The following MAN1A1 variants were observed in gnomAD, a reference collection of about 807,000 sequenced individuals.
MAN1A1 encodes mannosidase alpha class 1A member 1, also known as mannosyl-oligosaccharide 1,2-alpha-mannosidase IA.
Under a neutral mutation model 70.8 loss-of-function variants are expected in MAN1A1, and 29 were observed. The observed-to-expected ratio is 0.41, with a 90% CI of 0.31 to 0.56. The LOEUF is 0.56. MAN1A1 is among the 20% of genes least tolerant of loss of function. The pLI, the probability that MAN1A1 is intolerant of heterozygous loss-of-function variation, is 0.29. For synonymous variants in MAN1A1, 349 were observed against 330.1 expected, an observed-to-expected ratio of 1.06 and a Z score of -0.62; for missense variants, 747 against 841.3, an observed-to-expected ratio of 0.89 and a Z score of 1.39.
At chr6:119,232,003 C>G (rs550212413) in intron 6 of MAN1A1, among the ~76,000 whole-genome samples, 2 of 152,186 alleles carry the variant, frequency 1.3e-5, no homozygotes, top group East Asian at 3.9e-4. Flanking sequence ...TTGTATATAT[C>G]AAACCCTAGG....
intron 2 of MAN1A1, among the ~76,000 whole-genome samples, chr6:119,348,078 T>C (rs918708341): frequency 6.6e-6 from 1 of 152,240 alleles, no homozygotes; most frequent in Non-Finnish European, 1.5e-5. Context: ...AGACTCACTT[T>C]AAAGCCACGT....
intron 6 of MAN1A1, among the ~76,000 whole-genome samples, chr6:119,219,342 T>C (rs1443340735): frequency 6.6e-6 from 1 of 152,184 alleles, no homozygotes; most frequent in Non-Finnish European, 1.5e-5. Context: ...AGATAATCAT[T>C]AAGCAGCATT....
intron 5 of MAN1A1, among the ~76,000 whole-genome samples, chr6:119,273,815 T>C (rs1195967670): frequency 1.3e-5 from 2 of 152,044 alleles, no homozygotes; most frequent in South Asian, 2.1e-4. Flanking sequence ...GAAAAAAAGG[T>C]TGGGGGAGAG....
At chr6:119,207,866 A>G (rs142488035) in intron 6 of MAN1A1, among the ~76,000 whole-genome samples, 13 of 152,300 alleles carry the variant, frequency 8.5e-5, no homozygotes, top group Admixed American at 2.0e-4. Context: ...ACCAAAGGTG[A>G]GGCTGGGCCA....
In MAN1A1 at chr6:119,234,885, G is replaced by A. The variant is rs552250437; in HGVS notation, c.992+13375C>T. ...TGGTGCCATTTTTCTAACAGCCTGT[G>A]CTCACGTTGTGTCTCTGTCAAGTTT... On this transcript the variant is annotated intron_variant, in intron 6 of 12. Coordinates refer to ENST00000368468, the MANE Select transcript of MAN1A1 (RefSeq NM_005907.4). Among the ~76,000 whole-genome samples the A allele has an allele frequency of 3.3e-5, 5 of 152,226 alleles. No homozygotes were observed. In the South Asian group the frequency reaches 1.0e-3, roughly 32 times the overall value.
rs60800789 is a variant in MAN1A1, at chr6:119,279,911, C to T, written c.897+10772G>A. Among the ~76,000 whole-genome samples, 190 of 152,328 alleles carry T rather than the reference C, an allele frequency of 1.2e-3. No homozygotes were observed. In the East Asian group the frequency reaches 0.024, roughly 19 times the overall value. On this transcript the variant is annotated intron_variant, in intron 5 of 12. Coordinates refer to ENST00000368468, the MANE Select transcript of MAN1A1 (RefSeq NM_005907.4). ...GTACCCTCCATAAAGTCATCCATGA[C>T]CTCCATGTTGTAAGATGCTAAAGAG... is the stretch of plus-strand genomic sequence containing the variant.
At chr6:119,210,865 G>T in intron 6 of MAN1A1, 1 of 454,876 alleles carries the variant, frequency 2.2e-6, no homozygotes, top group South Asian at 1.6e-5. Flanking sequence ...TCTCTTTCCA[G>T]TGTGGGCCAA....
intron 3 of MAN1A1, among the ~76,000 whole-genome samples, chr6:119,303,296 A>G (rs1470984317): frequency 6.6e-6 from 1 of 152,170 alleles, no homozygotes; most frequent in African/African-American, 2.4e-5. Flanking sequence ...CTAGAATTAG[A>G]GTCATGAGGC....
At chr6:119,213,697 C>T (rs962978781) in intron 6 of MAN1A1, among the ~76,000 whole-genome samples, 3 of 152,276 alleles carry the variant, frequency 2.0e-5, no homozygotes, top group East Asian at 3.9e-4. Flanking sequence ...CTACCACCAG[C>T]GCTCCCTCAA....
intron 5 of MAN1A1, among the ~76,000 whole-genome samples, chr6:119,266,677 T>C (rs1201785019): frequency 6.6e-6 from 1 of 152,170 alleles, no homozygotes; most frequent in East Asian, 1.9e-4. Context: ...TGACCCTGGG[T>C]TTGGAGATGA....
intron 2 of MAN1A1, among the ~76,000 whole-genome samples, chr6:119,312,747 G>T (rs1208472613): frequency 6.6e-6 from 1 of 152,114 alleles, no homozygotes; most frequent in Admixed American, 6.5e-5. Context: ...CTTTCAAAAA[G>T]AATAACCCAT....
intron 9 of MAN1A1, among the ~76,000 whole-genome samples, chr6:119,190,765 G>T (rs1773419954): frequency 6.6e-6 from 1 of 152,074 alleles, no homozygotes; most frequent in South Asian, 2.1e-4. Context: ...TCTATCCCAG[G>T]TCTGTTGATA....
intron 2 of MAN1A1, among the ~76,000 whole-genome samples, chr6:119,311,118 GT>G (rs1220546782): frequency 6.6e-6 from 1 of 152,172 alleles, no homozygotes; most frequent in African/African-American, 2.4e-5. Context: ...CACCTCACTG[GT>G]TGTGGTGATG....
rs1025615030 is a variant in MAN1A1 at position 119,348,619 on chromosome 6, G to T, written c.447C>A (p.Asp149Glu). Residue 149 changes from aspartate to glutamate, a missense_variant, in exon 2 of 13, where the codon GAC becomes GAA. Asp to Glu is a conservative substitution (Grantham distance 45, BLOSUM62 2). Coordinates refer to ENST00000368468, the MANE Select transcript of MAN1A1 (RefSeq NM_005907.4). ...LQKLPEEIQR[D>E]ILLEKKKVAQ... is the part of the protein sequence containing the mutation. ...CCACCTTCTTCTTCTCCAGTAGGATGTCTCTTTGGATCTCCTCGGGCAGCT... is the reference window on the plus strand; with the variant it reads ...CCACCTTCTTCTTCTCCAGTAGGATTTCTCTTTGGATCTCCTCGGGCAGCT... The T allele has an allele frequency of 1.9e-6, 3 of 1,613,820 alleles. No homozygotes were observed. Among genetic ancestry groups the T allele is most frequent in the Non-Finnish European group, 2.5e-6 (3 of 1,179,918 alleles).
At chr6:119,349,926 G>GGCGGGGCCCGGCCGGCGGCGGGGAGGTC (rs1216728062), upstream of MAN1A1, among the ~76,000 whole-genome samples, 6 of 152,052 alleles carry the variant, frequency 3.9e-5, no homozygotes, top group East Asian at 9.7e-4. Context: ...GCGCAGCCTC[G>GGCGGGGCCCGGCCGGCGGCGGGGAGGTC]GCGGGGCCCG....
intron 6 of MAN1A1, among the ~76,000 whole-genome samples, chr6:119,228,946 C>T (rs555439611): frequency 1.3e-5 from 2 of 152,144 alleles, no homozygotes; most frequent in African/African-American, 2.4e-5. Flanking sequence ...CAGAAGCCTG[C>T]TTTTTTATTT....
chr6:119,206,398 G>A (rs1265115375), intron 6 of MAN1A1, among the ~76,000 whole-genome samples: 2 of 152,166 alleles, frequency 1.3e-5, no homozygotes, highest in Admixed American at 1.3e-4. Context: ...CCAGGCTGCT[G>A]AGGAAGAGAG....
chr6:119,203,175 C>A (rs184942192), intron 7 of MAN1A1, among the ~76,000 whole-genome samples: 58 of 152,262 alleles, frequency 3.8e-4, no homozygotes, highest in African/African-American at 1.4e-3. Context: ...TTGTTTCTGG[C>A]TGCATTTTTG....
chr6:119,250,675 TGC>T (rs398002706), intron 5 of MAN1A1, among the ~76,000 whole-genome samples: 1 of 148,770 alleles, frequency 6.7e-6, no homozygotes, highest in Admixed American at 6.7e-5. Flanking sequence ...TGTGTGTGTG[TGC>T]GTGTCAGTTA....
Sources: gnomAD v4.1 joint callset for allele counts (sites outside exome capture counted in the v4.1 genomes callset) on GRCh38, gnomAD v4.1.1 for gene constraint, MANE v1.5 for transcripts, NCBI Gene and HGNC (gene_info 2026-07-23, HGNC 2026-07-21) for gene names.